FANCI: variants seen among roughly 807,000 people sequenced by gnomAD.
FANCI encodes Fanconi anemia group I protein.
A neutral mutation model predicts 176.1 loss-of-function variants in FANCI; 156 were observed. That is an observed-to-expected ratio of 0.89 (90% CI 0.78 to 1.01). The LOEUF (loss-of-function observed/expected upper bound fraction) is 1.01, where lower values mean the gene tolerates loss of function less well. FANCI is among the 50% of genes least tolerant of loss of function. The pLI, the probability that FANCI is intolerant of heterozygous loss-of-function variation, is 0.00. For synonymous variants in FANCI, 613 were observed against 541.7 expected (o/e 1.13, Z -1.83); for missense variants, 1,678 against 1,534.1 (o/e 1.09, Z -1.57).
At chr15:89,253,118 AAGAAT>A (rs1418809862) in intron 2 of FANCI, among the ~76,000 whole-genome samples, 5 of 152,230 alleles carry the variant, frequency 3.3e-5, no homozygotes, top group Non-Finnish European at 2.9e-5. Flanking sequence ...ATAGGATACA[AAGAAT>A]AGAATAGGTA....
chr15:89,279,621 G>A (rs955752222), intron 14 of FANCI, among the ~76,000 whole-genome samples: 3 of 152,088 alleles, frequency 2.0e-5, no homozygotes, highest in Non-Finnish European at 1.5e-5. Flanking sequence ...TTTCCTGCCT[G>A]TGACCAGTTT....
chr15:89,315,230 C>A (rs2055179928), intron 36 of FANCI, 52 bp from the exon 37 acceptor site: 1 of 1,375,394 alleles, frequency 7.3e-7, no homozygotes, highest in Non-Finnish European at 1.0e-6. Context: ...TTAAGCTGTT[C>A]TGGCAGGACC....
At chr15:89,252,938 T>C (rs1463709182) in intron 2 of FANCI, among the ~76,000 whole-genome samples, 1 of 152,192 alleles carries the variant, frequency 6.6e-6, no homozygotes, top group Non-Finnish European at 1.5e-5. Context: ...TTGAGCTATA[T>C]ATATAAGTTG....
intron 23 of FANCI, 52 bp downstream of exon 23, chr15:89,294,049 C>G: frequency 1.3e-6 from 2 of 1,579,004 alleles, no homozygotes; most frequent in Non-Finnish European, 1.7e-6. Context: ...GGATCGTATA[C>G]CTACCTAGGC....
At chr15:89,300,415 G>T (rs1437172526) in intron 26 of FANCI, 30 bp downstream of exon 26, 2 of 1,591,408 alleles carry the variant, frequency 1.3e-6, no homozygotes, top group East Asian at 2.2e-5. Context: ...TGCTGTACTG[G>T]CCTGAGAGGC....
intron 12 of FANCI, among the ~76,000 whole-genome samples, chr15:89,276,457 T>A (rs1014991254): frequency 1.3e-5 from 2 of 152,306 alleles, no homozygotes; most frequent in Non-Finnish European, 1.5e-5. Flanking sequence ...ATCTTTAATT[T>A]TTTTAATACT....
chr15:89,247,783 A>G (rs750568462), intron 2 of FANCI, 52 bp downstream of exon 2: 1 of 1,504,328 alleles, frequency 6.6e-7, no homozygotes, highest in Non-Finnish European at 9.3e-7. Flanking sequence ...GCATGATGAC[A>G]CATTCAAAGG....
intron 1 of FANCI, chr15:89,245,141 A>T (rs2051889151): frequency 7.5e-6 from 1 of 132,648 alleles, no homozygotes; most frequent in Admixed American, 7.1e-5. Context: ...GGGAACGTTT[A>T]ACAACCTATA....
At chr15:89,284,269 C>G (rs780286184) in intron 17 of FANCI, among the ~76,000 whole-genome samples, 25 of 152,070 alleles carry the variant, frequency 1.6e-4, no homozygotes, top group Non-Finnish European at 3.1e-4. Flanking sequence ...ATCTGGTAAT[C>G]TAGGCTTTGG....
At chr15:89,279,505 G>A (rs1315793599) in intron 14 of FANCI, among the ~76,000 whole-genome samples, 1 of 152,098 alleles carries the variant, frequency 6.6e-6, no homozygotes, top group African/African-American at 2.4e-5. Flanking sequence ...AAATTTACTA[G>A]CCTTCATCAC....
chr15:89,266,544 G>T (rs901509529), intron 9 of FANCI, among the ~76,000 whole-genome samples: 2 of 151,912 alleles, frequency 1.3e-5, no homozygotes, highest in Non-Finnish European at 2.9e-5. Context: ...GGCCAGGCTG[G>T]TCTCGAACTC....
At chr15:89,307,784 C>A (rs1368407321) in intron 34 of FANCI, 112 bp downstream of exon 34, 2 of 1,577,932 alleles carry the variant, frequency 1.3e-6, no homozygotes, top group African/African-American at 1.3e-5. Flanking sequence ...TCCCTGCTTA[C>A]CACAAGCTGG....
intron 2 of FANCI, among the ~76,000 whole-genome samples, chr15:89,257,115 C>T (rs1000131608): frequency 6.6e-6 from 1 of 152,104 alleles, no homozygotes; most frequent in Non-Finnish European, 1.5e-5. Context: ...ACCGTGTTAG[C>T]CAGGATGGTC....
intron 9 of FANCI, among the ~76,000 whole-genome samples, chr15:89,265,003 T>C (rs1053919627): frequency 6.6e-6 from 1 of 152,172 alleles, no homozygotes; most frequent in African/African-American, 2.4e-5. Flanking sequence ...ATGCAGGTAA[T>C]TCAAATGGAT....
intron 1 of FANCI, among the ~76,000 whole-genome samples, chr15:89,246,841 C>T (rs2151041897): frequency 6.7e-6 from 1 of 148,578 alleles, no homozygotes; most frequent in East Asian, 2.0e-4. Flanking sequence ...TCTCCGCTCA[C>T]TGCAAGCTCC....
At chr15:89,315,416 C>A (rs368415065) in intron 37 of FANCI, 27 bp downstream of exon 37, 9 of 1,477,096 alleles carry the variant, frequency 6.1e-6, no homozygotes, top group Non-Finnish European at 8.5e-6. Flanking sequence ...GTCTGGAGCC[C>A]AGCCACTCTT....
intron 27 of FANCI, among the ~76,000 whole-genome samples, chr15:89,302,638 A>G (rs578160737): frequency 2.7e-4 from 41 of 150,144 alleles, no homozygotes; most frequent in Non-Finnish European, 4.0e-4. Context: ...TAGTGGCGCC[A>G]TCTCAGCTCA....
chr15:89,285,330 T>G, intron 18 of FANCI, 112 bp downstream of exon 18: 1 of 1,391,804 alleles, frequency 7.2e-7, no homozygotes, highest in South Asian at 1.2e-5. Flanking sequence ...CTTGATGTAG[T>G]CAGCACCAGT....
At chr15:89,247,521 C>G (rs1360377489) in intron 1 of FANCI, 108 bp from the exon 2 acceptor site, 2 of 790,066 alleles carry the variant, frequency 2.5e-6, no homozygotes, top group Non-Finnish European at 2.3e-6. Flanking sequence ...GTTTGTTGAG[C>G]ACCCATTGCA....
Sources: gnomAD v4.1 joint callset for allele counts (sites outside exome capture counted in the v4.1 genomes callset) on GRCh38, gnomAD v4.1.1 for gene constraint, MANE v1.5 for transcripts, NCBI Gene and HGNC (gene_info 2026-07-23, HGNC 2026-07-21) for gene names.